The following SLK variants were observed in gnomAD, a reference collection of about 807,000 sequenced individuals.
SLK encodes the protein STE20 like kinase.
SLK carries 67 observed loss-of-function variants against 147.7 expected under a neutral mutation model. The observed-to-expected ratio is 0.45, with a 90% CI of 0.37 to 0.56. The LOEUF is 0.56. Among genes scored for constraint, SLK ranks in the 20% least tolerant of loss-of-function variants. The pLI is 0.00. For missense variants in SLK, 1,136 were observed against 1,438.8 expected (o/e 0.79, Z 3.41); for synonymous variants, 441 against 475.0 (o/e 0.93, Z 0.93).
At chr10:103,989,729 A>G (rs977383346) in intron 1 of SLK, among the ~76,000 whole-genome samples, 4 of 152,048 alleles carry the variant, frequency 2.6e-5, no homozygotes, top group African/African-American at 9.7e-5. Flanking sequence ...CGGCCTCCCA[A>G]AGTGCTGGGA....
intron 12 of SLK, among the ~76,000 whole-genome samples, chr10:104,010,372 G>T (rs1844384508): frequency 6.6e-6 from 1 of 152,066 alleles, no homozygotes; most frequent in Non-Finnish European, 1.5e-5. Flanking sequence ...TATTTCTTTA[G>T]TATGATCAAG....
rs544124361 is a variant in SLK, at chr10:104,014,909, T to A, written c.2878-3251T>A. Among the ~76,000 whole-genome samples the A allele has an allele frequency of 4.0e-3, 604 of 152,294 alleles. 1 individual carries two copies. Among genetic ancestry groups the A allele is most frequent in the African/African-American group, 0.014 (582 of 41,562 alleles). On this transcript the variant is annotated intron_variant, in intron 13 of 18. Transcript: ENST00000369755. ...TCCAAGTGATTAAGTTCATCTTTTT[T>A]TTTTTAAGGTGTGTTTGTGTAATCT...
intron 13 of SLK, among the ~76,000 whole-genome samples, chr10:104,011,583 T>C (rs1280835057): frequency 6.6e-6 from 1 of 151,560 alleles, no homozygotes; most frequent in African/African-American, 2.4e-5. Flanking sequence ...TTTTGGTGAA[T>C]TGGAGTCTCG....
In SLK at chr10:103,987,137, GTAATCATGTTATTTTCAAGCAA is replaced by G. The variant is rs1416020905; in HGVS notation, c.151-3533_151-3512del. Among the ~76,000 whole-genome samples the G allele has an allele frequency of 2.0e-5, 3 of 152,010 alleles. No homozygotes were observed. In the East Asian group the frequency reaches 5.8e-4, roughly 29 times the overall value. On this transcript the variant is annotated intron_variant, in intron 1 of 18. Coordinates refer to ENST00000369755, the MANE Select transcript of SLK (RefSeq NM_014720.4). The stretch of plus-strand genomic sequence containing the variant: ...GTTTTTTAGAACTAGATCCTGATGA[GTAATCATGTTATTTTCAAGCAA>G]TAATTTGAGGCACTATTCTTTTAAT...
chr10:103,977,971 G>A (rs947327881), intron 1 of SLK, among the ~76,000 whole-genome samples: 3 of 151,932 alleles, frequency 2.0e-5, no homozygotes, highest in Non-Finnish European at 4.4e-5. Flanking sequence ...TATTACACAC[G>A]TCTATCCATC....
chr10:104,020,256 C>G (rs1844517235), intron 16 of SLK, among the ~76,000 whole-genome samples: 6 of 152,160 alleles, frequency 3.9e-5, no homozygotes, highest in Admixed American at 3.9e-4. Context: ...TAGTCATGGT[C>G]ACACACACAA....
Position 103,990,658 on chromosome 10 carries a change from G to T in SLK, c.151-17G>T. The T allele has an allele frequency of 6.7e-7, 1 of 1,496,616 alleles. No individual in the cohort carries two copies. The highest frequency in any genetic ancestry group is 2.5e-5 in the East Asian group (1 of 39,406). The allele number at this position is 1,496,616 out of a possible 1,614,324, so 92.7% of individuals were successfully genotyped here. On this transcript the variant is annotated splice_polypyrimidine_tract_variant and intron_variant, in intron 1 of 18. Transcript: ENST00000369755. ...GATGCATTTGAAATGTGACACTTCT[G>T]ATACTTTCATTTTCAGGCCCAGAAT...
chr10:103,975,973 T>C (rs1843864953), intron 1 of SLK, among the ~76,000 whole-genome samples: 1 of 152,026 alleles, frequency 6.6e-6, no homozygotes, highest in Non-Finnish European at 1.5e-5. Context: ...CAGGCCGGAG[T>C]GCAGTGGCGC....
intron 15 of SLK, 157 bp downstream of exon 15, chr10:104,019,065 A>G (rs1241034573): frequency 6.3e-6 from 4 of 635,220 alleles, no homozygotes; most frequent in Non-Finnish European, 7.7e-6. Context: ...AATTAATTGT[A>G]TCTTGATCAT....
At position 104,010,927 on chromosome 10, in the gene SLK, T is replaced by C. The variant is rs1844391911; in HGVS notation, c.2877+19T>C. 1 of 1,516,130 alleles carries C rather than the reference T, an allele frequency of 6.6e-7. No homozygotes were observed. The allele number at this position is 1,516,130 out of a possible 1,614,324, so 93.9% of individuals were successfully genotyped here. ...TGCTCAGGTAACAGCAGCAGCTTAA[T>C]GCTACTAAAACCAGAAAGCACCATT... On this transcript the variant is annotated intron_variant, in intron 13 of 18. Coordinates refer to ENST00000369755, the MANE Select transcript of SLK (RefSeq NM_014720.4).
In SLK at chr10:103,999,921, C is replaced by G. The variant is rs1439838556; in HGVS notation, c.837C>G (p.Ala279=). The part of the protein sequence containing the change: ...LKKCLEKNVD[A]RWTTSQLLQH... ...AATGCTTAGAAAAGAATGTGGATGC[C>G]AGGTGGACTACATCTCAGCTGCTGC... Residue 279 remains alanine, a synonymous_variant, in exon 7 of 19, where the codon GCC becomes GCG. Transcript: ENST00000369755. 1 of 1,555,716 alleles carries G rather than the reference C, an allele frequency of 6.4e-7. No homozygotes were observed.
At chr10:104,008,093 A>G (rs1438627195) in intron 11 of SLK, 84 bp from the exon 12 acceptor site, 2 of 1,021,860 alleles carry the variant, frequency 2.0e-6, no homozygotes, top group African/African-American at 1.6e-5. Flanking sequence ...AATACTAGTT[A>G]TGTTCTCTTA....
Position 104,020,434 on chromosome 10 carries a change from A to G in SLK, c.3322-54A>G, listed in dbSNP as rs76582728. ...TTAAATTCCTTTATATCTTCAGAAT[A>G]TATAGAAATCACATGCTTCTGAACT... On this transcript the variant is annotated intron_variant, in intron 16 of 18. Transcript: ENST00000369755. 2,665 of 1,515,878 alleles carry G rather than the reference A, an allele frequency of 1.8e-3. 39 individuals are homozygous for G. The African/African-American group carries it at 0.029, about 17-fold the overall frequency. 93.9% of individuals were successfully genotyped at this position (1,515,878 alleles called of 1,614,324 possible). A position where few individuals can be genotyped will look rare whatever the true frequency, so the allele number is the denominator to read the frequency against.
intron 4 of SLK, among the ~76,000 whole-genome samples, chr10:103,996,652 C>A (rs1251321900): frequency 6.6e-6 from 1 of 152,138 alleles, no homozygotes; most frequent in Non-Finnish European, 1.5e-5. Flanking sequence ...CCCGCCTCAG[C>A]CTCCCAAAGT....
At position 104,018,255 on chromosome 10, in the gene SLK, A is replaced by T; in HGVS notation, c.2973A>T (p.Arg991Ser). Residue 991 changes from arginine to serine, a missense_variant, in exon 14 of 19, where the codon AGA (arginine) becomes AGT (serine). By Grantham distance (110) the Arg-to-Ser change is moderately radical. This residue lies in a region of SLK where 327 missense variants were observed against 457.5 expected (regional missense o/e 0.71). Coordinates refer to ENST00000369755, the MANE Select transcript of SLK (RefSeq NM_014720.4). The part of the protein sequence containing the change: ...QQKAELANIE[R>S]ECLNNKQQLM... Reference sequence around the variant, plus strand: ...AGGCAGAGTTAGCTAATATTGAGAGAGAGTGCCTGAATAACAAGCAACAGC... The same window carrying T: ...AGGCAGAGTTAGCTAATATTGAGAGTGAGTGCCTGAATAACAAGCAACAGC... The T allele has an allele frequency of 6.3e-7, 1 of 1,596,448 alleles. No homozygotes were observed. The highest frequency in any genetic ancestry group is 8.5e-7 in the Non-Finnish European group (1 of 1,175,844).
Position 104,002,485 on chromosome 10 carries a change from C to T in SLK, c.1307C>T (p.Thr436Ile). 6.2e-7 allele frequency: 1 copy of T among 1,613,612 alleles called. No individual in the cohort carries two copies. Among genetic ancestry groups the T allele is most frequent in the Non-Finnish European group, 8.5e-7 (1 of 1,179,840 alleles). Residue 436 changes from threonine to isoleucine, a missense_variant, in exon 9 of 19, where the codon ACA becomes ATA. This residue lies in a region of SLK where 516 missense variants were observed against 531.3 expected (regional missense o/e 0.97). Coordinates refer to ENST00000369755, the MANE Select transcript of SLK (RefSeq NM_014720.4). Reference protein sequence around the residue: ...KRPKLENLPDTEDQETVDINS... With the variant: ...KRPKLENLPDIEDQETVDINS... ...CCCAAGCTTGAAAATCTGCCTGACA[C>T]AGAAGACCAAGAAACTGTGGACATT...
In SLK at chr10:104,019,922, G is replaced by A. The variant is rs763187270; in HGVS notation, c.3321G>A (p.Gln1107=). ...TPDQDRDKIK[Q]FAAQEEKRQK... ...ATCAGGACCGTGATAAAATTAAACA[G>A]GTAAATATGCAAGTTAGTCTCTTCT... The change falls in exon 16 of 19, where the codon CAG becomes CAA. Residue 1107 remains glutamine, a splice_region_variant and synonymous_variant. Coordinates refer to ENST00000369755, the MANE Select transcript of SLK (RefSeq NM_014720.4). The A allele has an allele frequency of 2.5e-6, 4 of 1,605,696 alleles. No individual in the cohort carries two copies. The highest frequency in any genetic ancestry group is 3.4e-6 in the Non-Finnish European group (4 of 1,173,978).
At chr10:104,013,072 A>G (rs1043736231) in intron 13 of SLK, among the ~76,000 whole-genome samples, 1 of 152,224 alleles carries the variant, frequency 6.6e-6, no homozygotes, top group Non-Finnish European at 1.5e-5. Context: ...AGTAAATCTA[A>G]TGAGGAATTT....
At chr10:104,024,582 C>A (rs1223289391) in intron 18 of SLK, among the ~76,000 whole-genome samples, 6 of 152,208 alleles carry the variant, frequency 3.9e-5, no homozygotes, top group African/African-American at 1.4e-4. Flanking sequence ...GGCATGCCTT[C>A]CCTATGCTCC....
Sources: allele counts gnomAD v4.1 joint callset (sites outside exome capture counted in the v4.1 genomes callset), GRCh38; gene constraint gnomAD v4.1.1; regional missense constraint gnomAD v4.1.1; transcripts MANE v1.5; gene names NCBI Gene and HGNC (gene_info 2026-07-23, HGNC 2026-07-21).